Variants in PHACTR4 observed in about 807,000 individuals in gnomAD.
PHACTR4 encodes the protein protein phosphatase 1, regulatory subunit 124.
A neutral mutation model predicts 72.7 loss-of-function variants in PHACTR4; 51 were observed. The observed-to-expected ratio is 0.70, with a 90% CI of 0.56 to 0.89. PHACTR4 has a LOEUF of 0.89. Ranked by LOEUF, PHACTR4 falls within the 40% of genes least tolerant of loss-of-function variation. The pLI, the probability that PHACTR4 is intolerant of heterozygous loss-of-function variation, is 0.00. For missense variants in PHACTR4, 731 were observed against 861.8 expected, an observed-to-expected ratio of 0.85 and a Z score of 1.90; for synonymous variants, 255 against 302.5, an observed-to-expected ratio of 0.84 and a Z score of 1.63.
intron 1 of PHACTR4, among the ~76,000 whole-genome samples, chr1:28,373,103 G>A (rs1363958773): frequency 3.3e-5 from 5 of 151,738 alleles, no homozygotes; most frequent in African/African-American, 1.2e-4. Context: ...GACTACAGGT[G>A]CACACTACCA....
At chr1:28,387,005 G>A (rs1489878049) in intron 1 of PHACTR4, among the ~76,000 whole-genome samples, 1 of 152,068 alleles carries the variant, frequency 6.6e-6, no homozygotes, top group Non-Finnish European at 1.5e-5. Flanking sequence ...GCTCACGCCT[G>A]TAATCCCAGC....
At chr1:28,414,728 C>T (rs1436376097) in intron 2 of PHACTR4, among the ~76,000 whole-genome samples, 4 of 152,110 alleles carry the variant, frequency 2.6e-5, no homozygotes, top group Non-Finnish European at 5.9e-5. Flanking sequence ...TTTGCGACCC[C>T]TTTCCAGAGA....
At chr1:28,465,331 A>C (rs1168453586) in intron 4 of PHACTR4, among the ~76,000 whole-genome samples, 1 of 152,038 alleles carries the variant, frequency 6.6e-6, no homozygotes, top group Non-Finnish European at 1.5e-5. Context: ...GCGTGGTGGC[A>C]GGCGTCTAGT....
At chr1:28,403,007 G>GA (rs1569840206) in intron 1 of PHACTR4, among the ~76,000 whole-genome samples, 1 of 152,224 alleles carries the variant, frequency 6.6e-6, no homozygotes, top group East Asian at 1.9e-4. Context: ...ATGTGGTATT[G>GA]AAAATTGCGA....
intron 1 of PHACTR4, among the ~76,000 whole-genome samples, chr1:28,406,750 C>T (rs1654354245): frequency 6.6e-6 from 1 of 152,176 alleles, no homozygotes; most frequent in Non-Finnish European, 1.5e-5. Flanking sequence ...GCAGATTTGA[C>T]ACTTGCCTTG....
Position 28,369,745 on chromosome 1 carries a change from G to A in PHACTR4, c.-119G>A. ...TCCCCGGGGGCCAAGGGCTCCGGCTGCTGCCTGGCGGCCAACGGGCCAGGT... is the reference window on the plus strand; with the variant it reads ...TCCCCGGGGGCCAAGGGCTCCGGCTACTGCCTGGCGGCCAACGGGCCAGGT... On this transcript the variant is annotated 5_prime_UTR_variant, in exon 1 of 14. Coordinates refer to ENST00000373839, the MANE Select transcript of PHACTR4 (RefSeq NM_001048183.3). The A allele has an allele frequency of 2.2e-6, 1 of 445,802 alleles. No homozygotes were observed. The highest frequency in any genetic ancestry group is 7.5e-5 in the East Asian group (1 of 13,276). The allele number at this position is 445,802 out of a possible 1,614,324, so 27.6% of individuals were successfully genotyped here.
chr1:28,448,724 T>C (rs1192607316), intron 2 of PHACTR4, among the ~76,000 whole-genome samples: 1 of 118,312 alleles, frequency 8.5e-6, no homozygotes, highest in Non-Finnish European at 1.6e-5. Flanking sequence ...ATCGTGCCAC[T>C]GCACTCCAGC....
At chr1:28,394,913 CTTTTTTT>C (rs1052095461) in intron 1 of PHACTR4, among the ~76,000 whole-genome samples, 10 of 127,092 alleles carry the variant, frequency 7.9e-5, no homozygotes, top group African/African-American at 2.9e-4. Flanking sequence ...TCCTTTTTTT[CTTTTTTT>C]TTTTTTTTCT....
intron 2 of PHACTR4, among the ~76,000 whole-genome samples, chr1:28,450,166 T>A (rs1436341445): frequency 2.0e-5 from 3 of 152,140 alleles, no homozygotes; most frequent in Non-Finnish European, 4.4e-5. Flanking sequence ...CTCTGTGACG[T>A]GCTTTCCTAA....
chr1:28,477,472 C>A (rs1038408678), intron 8 of PHACTR4, among the ~76,000 whole-genome samples: 7 of 151,784 alleles, frequency 4.6e-5, no homozygotes, highest in African/African-American at 1.7e-4. Context: ...CGTGCCTAGC[C>A]TATTTTTAAT....
intron 2 of PHACTR4, among the ~76,000 whole-genome samples, chr1:28,407,857 G>A (rs993986636): frequency 6.6e-6 from 1 of 152,122 alleles, no homozygotes; most frequent in African/African-American, 2.4e-5. Context: ...GGTGGCTCAC[G>A]CCTATAATCC....
At chr1:28,431,325 G>T (rs1656252005) in intron 2 of PHACTR4, among the ~76,000 whole-genome samples, 1 of 150,442 alleles carries the variant, frequency 6.6e-6, no homozygotes, top group Non-Finnish European at 1.5e-5. Context: ...CTCCCAAGTA[G>T]CTGGGACTAC....
intron 1 of PHACTR4, among the ~76,000 whole-genome samples, chr1:28,375,059 G>C (rs141488804): frequency 6.6e-6 from 1 of 152,166 alleles, no homozygotes; most frequent in African/African-American, 2.4e-5. Flanking sequence ...AGCACTCTGG[G>C]AGGCCAAGGC....
intron 13 of PHACTR4, 32 bp downstream of exon 13, chr1:28,493,123 C>T: frequency 5.1e-6 from 8 of 1,580,798 alleles, no homozygotes; most frequent in Non-Finnish European, 6.1e-6. Flanking sequence ...CATATATGTG[C>T]TAGGTAGAGT....
At position 28,496,625 on chromosome 1, in the gene PHACTR4, T is replaced by G; in HGVS notation, c.*76T>G. 1 of 1,543,038 alleles carries G rather than the reference T, an allele frequency of 6.5e-7. No individual in the cohort carries two copies. The highest frequency in any genetic ancestry group is 8.9e-7 in the Non-Finnish European group (1 of 1,119,052). ...CCAAAGTGACATATGGAGGGAACTT[T>G]AGCACTTCCCAGCACAGCCAGAATT... On this transcript the variant is annotated 3_prime_UTR_variant, in exon 14 of 14. Transcript: ENST00000373839.
At chr1:28,469,701 T>C (rs1659439454) in intron 6 of PHACTR4, among the ~76,000 whole-genome samples, 1 of 152,184 alleles carries the variant, frequency 6.6e-6, no homozygotes, top group East Asian at 1.9e-4. Flanking sequence ...CTCCTAAAAT[T>C]CACATTTTTA....
intron 1 of PHACTR4, among the ~76,000 whole-genome samples, chr1:28,378,961 T>G (rs887635808): frequency 2.0e-5 from 3 of 152,110 alleles, no homozygotes; most frequent in African/African-American, 4.8e-5. Context: ...ATGTATGTAT[T>G]TATTTTTTTA....
At chr1:28,381,319 G>A (rs915010020) in intron 1 of PHACTR4, among the ~76,000 whole-genome samples, 2 of 79,662 alleles carry the variant, frequency 2.5e-5, no homozygotes, top group Non-Finnish European at 4.8e-5. Flanking sequence ...TTTTTTTTGA[G>A]ACGGAGTCTT....
rs76459119 is a variant in PHACTR4 at position 28,497,529 on chromosome 1, TA to T, written c.*1002del. On this transcript the variant is annotated 3_prime_UTR_variant, in exon 14 of 14. Coordinates refer to ENST00000373839, the MANE Select transcript of PHACTR4 (RefSeq NM_001048183.3). ...TGGGCAACAAAGTGGGACTCTGTCT[TA>T]AAAAAAAAAAAAAAAAAAAAATCGG... 0.11 allele frequency: 11,955 copies of T among 109,880 alleles called. 1,184 individuals are homozygous for T. Among genetic ancestry groups the T allele is most frequent in the African/African-American group, 0.29 (8,609 of 30,160 alleles). 6.8% of individuals were successfully genotyped at this position (109,880 alleles called of 1,614,324 possible).
Sources: gnomAD v4.1 joint callset for allele counts (sites outside exome capture counted in the v4.1 genomes callset) on GRCh38, gnomAD v4.1.1 for gene constraint, MANE v1.5 for transcripts, NCBI Gene and HGNC (gene_info 2026-07-23, HGNC 2026-07-21) for gene names.